Variants in TXLNB observed in about 807,000 individuals in gnomAD.
TXLNB encodes the protein taxilin beta.
TXLNB carries 37 observed loss-of-function variants against 57.4 expected under a neutral mutation model. The observed-to-expected ratio is 0.64, with a 90% confidence interval of 0.50 to 0.85. The LOEUF (loss-of-function observed/expected upper bound fraction) is 0.85, where lower values mean the gene tolerates loss of function less well. Ranked by LOEUF, TXLNB falls within the 40% of genes least tolerant of loss-of-function variation. The pLI is 0.00. For missense variants in TXLNB, 848 were observed against 825.6 expected (o/e 1.03, Z -0.33); for synonymous variants, 302 against 309.6 (o/e 0.98, Z 0.26).
rs1179839159 is a variant in TXLNB at position 139,241,851 on chromosome 6, G to C, written c.*675C>G. On this transcript the variant is annotated 3_prime_UTR_variant, in exon 10 of 10. Coordinates refer to ENST00000358430, the MANE Select transcript of TXLNB (RefSeq NM_153235.4). ...AGTCCGAACTCTCTTCGGATTTATAGAGCATTAGTCAACCATAGTCTCAAG... is the reference window on the plus strand; with the variant it reads ...AGTCCGAACTCTCTTCGGATTTATACAGCATTAGTCAACCATAGTCTCAAG... 6.6e-6 allele frequency: 1 copy of C among 152,146 alleles called. No individual in the cohort carries two copies. Among genetic ancestry groups the C allele is most frequent in the Non-Finnish European group, 1.5e-5 (1 of 68,034 alleles). The allele number at this position is 152,146 out of a possible 1,614,324, so 9.4% of individuals were successfully genotyped here.
chr6:139,175,515 C>T, the TXLNB span, among the ~76,000 whole-genome samples: 1 of 152,250 alleles, frequency 6.6e-6, no homozygotes, highest in East Asian at 1.9e-4. Flanking sequence ...AAGTGGCTCC[C>T]CTCTGCACAC....
At chr6:139,283,346 G>A (rs1777098367) in intron 2 of TXLNB, among the ~76,000 whole-genome samples, 2 of 142,980 alleles carry the variant, frequency 1.4e-5, no homozygotes. Context: ...GGAGACCGAC[G>A]CAGGCGGATC....
chr6:139,301,266 A>G, the TXLNB span, among the ~76,000 whole-genome samples: 1 of 152,344 alleles, frequency 6.6e-6, no homozygotes, highest in East Asian at 1.9e-4. Flanking sequence ...TTGCAAAATC[A>G]TTAAAAAATA....
intron 2 of TXLNB, among the ~76,000 whole-genome samples, chr6:139,281,293 C>A (rs1414841156): frequency 6.6e-6 from 1 of 152,130 alleles, no homozygotes; most frequent in Non-Finnish European, 1.5e-5. Context: ...CTATTATGGT[C>A]CACTTTTTTA....
At chr6:139,166,117 A>C in the TXLNB span, 1 of 598,634 alleles carries the variant, frequency 1.7e-6, no homozygotes, top group Non-Finnish European at 2.9e-6. Context: ...TAGCTTCATC[A>C]TATTATTCCC....
chr6:139,250,197 T>TA (rs1271588431), intron 7 of TXLNB, among the ~76,000 whole-genome samples: 2 of 137,262 alleles, frequency 1.5e-5, no homozygotes, highest in Admixed American at 1.4e-4. Context: ...TTTTTTTTTT[T>TA]AACACAGGCT....
chr6:139,314,884 C>G, the TXLNB span, among the ~76,000 whole-genome samples: 1 of 152,152 alleles, frequency 6.6e-6, no homozygotes, highest in Non-Finnish European at 1.5e-5. Flanking sequence ...GACTCTGAAA[C>G]GAAATTGCTA....
intron 3 of TXLNB, among the ~76,000 whole-genome samples, chr6:139,275,337 G>A (rs1275566620): frequency 6.6e-6 from 1 of 152,098 alleles, no homozygotes; most frequent in African/African-American, 2.4e-5. Flanking sequence ...TATATTATAT[G>A]GAAAAATGCC....
the TXLNB span, among the ~76,000 whole-genome samples, chr6:139,319,634 A>G: frequency 6.6e-6 from 1 of 152,006 alleles, no homozygotes; most frequent in Non-Finnish European, 1.5e-5. Flanking sequence ...GCATGGTGGC[A>G]TGTACCTGTG....
At chr6:139,184,957 C>T in the TXLNB span, among the ~76,000 whole-genome samples, 1 of 152,272 alleles carries the variant, frequency 6.6e-6, no homozygotes, top group African/African-American at 2.4e-5. Flanking sequence ...AAGTTACTGC[C>T]AAACCATTGG....
At chr6:139,319,208 C>T in the TXLNB span, among the ~76,000 whole-genome samples, 1 of 151,602 alleles carries the variant, frequency 6.6e-6, no homozygotes, top group Non-Finnish European at 1.5e-5. Context: ...TCCTAAAGTG[C>T]TGGGATTACA....
At chr6:139,230,181 G>A in the TXLNB span, among the ~76,000 whole-genome samples, 4 of 152,272 alleles carry the variant, frequency 2.6e-5, no homozygotes, top group South Asian at 8.3e-4. Flanking sequence ...CTAATAATGG[G>A]CAAGGGAGAA....
At chr6:139,167,306 G>T in the TXLNB span, 2 of 1,596,310 alleles carry the variant, frequency 1.3e-6, no homozygotes, top group Non-Finnish European at 1.7e-6. Flanking sequence ...CGAATATGAT[G>T]TTCCTTGTCA....
chr6:139,207,609 C>T, the TXLNB span, among the ~76,000 whole-genome samples: 1 of 151,976 alleles, frequency 6.6e-6, no homozygotes, highest in African/African-American at 2.4e-5. Context: ...ACAAGCCCAG[C>T]AGAAGAAAAG....
the TXLNB span, chr6:139,174,671 T>A: frequency 1.5e-6 from 2 of 1,316,678 alleles, no homozygotes; most frequent in Non-Finnish European, 2.0e-6. Context: ...CTACTTGTAA[T>A]GTAGTCATTT....
chr6:139,310,887 G>A, the TXLNB span, among the ~76,000 whole-genome samples: 3,717 of 152,192 alleles, frequency 0.024, 151 homozygotes, highest in African/African-American at 0.085. Flanking sequence ...TAGAGACAGG[G>A]TTTCACCATG....
chr6:139,224,334 T>G, the TXLNB span, among the ~76,000 whole-genome samples: 1 of 146,884 alleles, frequency 6.8e-6, no homozygotes, highest in African/African-American at 2.5e-5. Context: ...CATTGGGAGA[T>G]ATACCTAATG....
the TXLNB span, among the ~76,000 whole-genome samples, chr6:139,232,359 G>A: frequency 6.6e-6 from 1 of 152,166 alleles, no homozygotes; most frequent in Non-Finnish European, 1.5e-5. Context: ...CCTCAACACT[G>A]GGGATTATGG....
intron 3 of TXLNB, 112 bp downstream of exon 3, chr6:139,276,718 A>G (rs983731511): frequency 2.6e-6 from 2 of 771,886 alleles, no homozygotes; most frequent in Admixed American, 5.4e-5. Context: ...CAGACCTCAG[A>G]TGTTGCTGTT....
Sources: gnomAD v4.1 joint callset for allele counts (sites outside exome capture counted in the v4.1 genomes callset) on GRCh38, gnomAD v4.1.1 for gene constraint, MANE v1.5 for transcripts, NCBI Gene and HGNC (gene_info 2026-07-23, HGNC 2026-07-21) for gene names.